LUC7L2: variants seen among roughly 807,000 people sequenced by gnomAD.
The protein encoded by LUC7L2 is LUC7 like 2, pre-mRNA splicing factor, also known as putative RNA-binding protein Luc7-like 2.
Under a neutral mutation model 52.8 loss-of-function variants are expected in LUC7L2, and 25 were observed. The ratio of observed to expected loss-of-function variants is 0.47; its 90% CI spans 0.34 to 0.66. The LOEUF (loss-of-function observed/expected upper bound fraction) is 0.66. LUC7L2 is among the 30% of genes least tolerant of loss of function. The pLI is 0.01. For missense variants in LUC7L2, 328 were observed against 497.8 expected, an observed-to-expected ratio of 0.66 and a Z score of 3.25; for synonymous variants, 144 against 160.9, an observed-to-expected ratio of 0.89 and a Z score of 0.80.
chr7:139,410,278 C>T (rs529181649), intron 7 of LUC7L2, among the ~76,000 whole-genome samples: 10 of 146,082 alleles, frequency 6.8e-5, no homozygotes, highest in Admixed American at 1.3e-4. Flanking sequence ...AGATTTGCAC[C>T]AGGTTAGCAT....
intron 1 of LUC7L2, among the ~76,000 whole-genome samples, chr7:139,346,886 T>G (rs1158150103): frequency 6.6e-6 from 1 of 152,192 alleles, no homozygotes; most frequent in Non-Finnish European, 1.5e-5. Flanking sequence ...GGTATTCCTC[T>G]CTCCTTATTT....
At chr7:139,345,613 A>G in intron 1 of LUC7L2, 2 of 1,614,092 alleles carry the variant, frequency 1.2e-6, no homozygotes, top group Non-Finnish European at 1.7e-6. Flanking sequence ...CAGGAATTTC[A>G]TGGCAAGGGT....
At chr7:139,343,111 C>G (rs148624470) in intron 1 of LUC7L2, among the ~76,000 whole-genome samples, 2 of 152,104 alleles carry the variant, frequency 1.3e-5, no homozygotes. Context: ...CCCTTTTGTC[C>G]TCATGATTCA....
chr7:139,341,645 C>T (rs977152425), intron 1 of LUC7L2: 2 of 1,462,216 alleles, frequency 1.4e-6, no homozygotes, highest in African/African-American at 2.8e-5. Flanking sequence ...CCACGGAGCC[C>T]TGGTTCTGAC....
At chr7:139,393,995 C>T (rs976652713) in intron 2 of LUC7L2, among the ~76,000 whole-genome samples, 1 of 152,128 alleles carries the variant, frequency 6.6e-6, no homozygotes, top group African/African-American at 2.4e-5. Flanking sequence ...TATGATGAGT[C>T]AGGCTAGGCT....
chr7:139,412,529 A>C, intron 7 of LUC7L2, 22 bp from the exon 8 acceptor site: 1 of 1,578,352 alleles, frequency 6.3e-7, no homozygotes, highest in Non-Finnish European at 8.5e-7. Flanking sequence ...CTTTTCTAAA[A>C]ATACATATTT....
chr7:139,372,306 A>C (rs1800493256), intron 1 of LUC7L2, among the ~76,000 whole-genome samples: 1 of 152,218 alleles, frequency 6.6e-6, no homozygotes, highest in Non-Finnish European at 1.5e-5. Context: ...TAAGAAATCA[A>C]ATGTTACTCA....
chr7:139,375,226 G>A (rs921528775), intron 1 of LUC7L2: 2 of 984,468 alleles, frequency 2.0e-6, no homozygotes, highest in Non-Finnish European at 2.4e-6. Flanking sequence ...ATTCTTTAAC[G>A]TTTTGAGTAG....
intron 6 of LUC7L2, among the ~76,000 whole-genome samples, chr7:139,408,123 G>C (rs1271516071): frequency 1.3e-5 from 2 of 152,146 alleles, no homozygotes; most frequent in African/African-American, 4.8e-5. Context: ...TTAACTCAAG[G>C]TCCATAGCAT....
At chr7:139,371,935 T>C (rs1800473786) in intron 1 of LUC7L2, among the ~76,000 whole-genome samples, 1 of 152,190 alleles carries the variant, frequency 6.6e-6, no homozygotes, top group Non-Finnish European at 1.5e-5. Flanking sequence ...TCTCAAAGGT[T>C]ATAATTCATG....
intron 2 of LUC7L2, among the ~76,000 whole-genome samples, chr7:139,377,899 C>G (rs1182967529): frequency 6.7e-6 from 1 of 150,162 alleles, no homozygotes; most frequent in Non-Finnish European, 1.5e-5. Flanking sequence ...CCCACTGCAG[C>G]CTCCACCTCC....
intron 2 of LUC7L2, among the ~76,000 whole-genome samples, chr7:139,384,946 A>G (rs1794127953): frequency 6.6e-6 from 1 of 152,206 alleles, no homozygotes; most frequent in Admixed American, 6.5e-5. Context: ...ATCTTAGATC[A>G]TTCATTTTAT....
At chr7:139,394,435 T>G (rs1213977031) in intron 2 of LUC7L2, among the ~76,000 whole-genome samples, 11 of 152,218 alleles carry the variant, frequency 7.2e-5, no homozygotes. Context: ...ATTGTATCTT[T>G]CTTGTGTTCA....
intron 9 of LUC7L2, 147 bp downstream of exon 9, chr7:139,417,876 C>A: frequency 8.6e-7 from 1 of 1,163,088 alleles, no homozygotes. Context: ...TGTGGGTGTA[C>A]AACATTTTTC....
Position 139,422,687 on chromosome 7 carries a change from C to A in LUC7L2, c.*347C>A, listed in dbSNP as rs974266929. ...AATGCTGTCTTCCTAGTCCAAACAG[C>A]TGCAGCTTTGGGCATTTTTCTTTTT... is the stretch of plus-strand genomic sequence containing the variant. On this transcript the variant is annotated 3_prime_UTR_variant, in exon 10 of 10. Transcript: ENST00000354926. The A allele has an allele frequency of 2.4e-6, 1 of 413,300 alleles. No individual in the cohort carries two copies. Among genetic ancestry groups the A allele is most frequent in the Non-Finnish European group, 4.2e-6 (1 of 238,154 alleles). 25.6% of individuals were successfully genotyped at this position (413,300 alleles called of 1,614,324 possible).
At chr7:139,382,530 G>A (rs896810099) in intron 2 of LUC7L2, among the ~76,000 whole-genome samples, 2 of 151,982 alleles carry the variant, frequency 1.3e-5, no homozygotes, top group Non-Finnish European at 2.9e-5. Flanking sequence ...ACAGCCACGC[G>A]CAGCCACAGC....
At chr7:139,347,363 G>A (rs539314106) in intron 1 of LUC7L2, among the ~76,000 whole-genome samples, 7 of 152,264 alleles carry the variant, frequency 4.6e-5, no homozygotes, top group South Asian at 2.1e-4. Context: ...TGATGTGGGC[G>A]GATCACCTGA....
At chr7:139,416,559 T>A (rs894674595) in intron 8 of LUC7L2, 1 of 152,244 alleles carries the variant, frequency 6.6e-6, no homozygotes, top group African/African-American at 2.4e-5. Context: ...GTTTGTTTTG[T>A]CTTGCTCTCT....
intron 9 of LUC7L2, among the ~76,000 whole-genome samples, chr7:139,419,328 G>C (rs1002628134): frequency 2.0e-5 from 3 of 152,110 alleles, no homozygotes; most frequent in Non-Finnish European, 4.4e-5. Flanking sequence ...AATTTGAACA[G>C]GTAGAATCAG....
Sources: gnomAD v4.1 joint callset for allele counts (sites outside exome capture counted in the v4.1 genomes callset) on GRCh38, gnomAD v4.1.1 for gene constraint, MANE v1.5 for transcripts, NCBI Gene and HGNC (gene_info 2026-07-23, HGNC 2026-07-21) for gene names.